The following PRIM2 variants were observed in gnomAD, a reference collection of about 807,000 sequenced individuals.
PRIM2 encodes the protein DNA primase large subunit.
PRIM2 carries 39 observed loss-of-function variants against 67.3 expected under a neutral mutation model. That is an observed-to-expected ratio of 0.58 (90% CI 0.45 to 0.76). The LOEUF is 0.76. PRIM2 is among the 30% of genes least tolerant of loss of function. The probability of loss-of-function intolerance (pLI) is 0.00; values close to 1 mark genes in which losing one functional copy is unlikely to be tolerated. For missense variants in PRIM2, 398 were observed against 598.7 expected (o/e 0.66, Z 3.50); for synonymous variants, 143 against 198.7 (o/e 0.72, Z 2.36).
intron 5 of PRIM2, among the ~76,000 whole-genome samples, chr6:57,329,803 C>G (rs1306722678): frequency 6.6e-6 from 1 of 152,186 alleles, no homozygotes; most frequent in Non-Finnish European, 1.5e-5. Context: ...CAGACTAATA[C>G]AACTGTAAAT....
At chr6:57,399,905 G>C (rs900295330) in intron 7 of PRIM2, among the ~76,000 whole-genome samples, 1 of 152,020 alleles carries the variant, frequency 6.6e-6, no homozygotes, top group African/African-American at 2.4e-5. Flanking sequence ...TTTTTTTCTT[G>C]TAAATTTGTT....
chr6:57,457,999 A>T (rs1235486234), intron 7 of PRIM2, among the ~76,000 whole-genome samples: 1 of 152,178 alleles, frequency 6.6e-6, no homozygotes, highest in Admixed American at 6.5e-5. Context: ...AGATTCATTC[A>T]GCCTTGGCAT....
At chr6:57,330,048 GC>G (rs1767999624) in intron 5 of PRIM2, among the ~76,000 whole-genome samples, 2 of 152,150 alleles carry the variant, frequency 1.3e-5, no homozygotes, top group Non-Finnish European at 1.5e-5. Flanking sequence ...CAAGAAGCTA[GC>G]TAGGATTTAC....
intron 5 of PRIM2, among the ~76,000 whole-genome samples, chr6:57,337,498 A>G (rs1768297822): frequency 6.6e-6 from 1 of 151,948 alleles, no homozygotes; most frequent in Non-Finnish European, 1.5e-5. Flanking sequence ...AACAGAAATT[A>G]TAACAAACTA....
At chr6:57,358,844 T>A (rs1769112499) in intron 5 of PRIM2, among the ~76,000 whole-genome samples, 1 of 152,214 alleles carries the variant, frequency 6.6e-6, no homozygotes, top group African/African-American at 2.4e-5. Flanking sequence ...GCTGGTACAG[T>A]GGATTAAAAA....
chr6:57,567,883 C>T (rs1775777276), intron 10 of PRIM2, among the ~76,000 whole-genome samples: 1 of 152,154 alleles, frequency 6.6e-6, no homozygotes, highest in African/African-American at 2.4e-5. Flanking sequence ...GCAGGGAAAT[C>T]TGCCTGTAAC....
At chr6:57,613,651 C>G (rs1776703589) in intron 12 of PRIM2, among the ~76,000 whole-genome samples, 2 of 152,160 alleles carry the variant, frequency 1.3e-5, no homozygotes, top group Admixed American at 1.3e-4. Flanking sequence ...GAAGACATGA[C>G]AATTCCAGCA....
the PRIM2 span, among the ~76,000 whole-genome samples, chr6:57,300,534 A>G: frequency 1.3e-5 from 2 of 152,200 alleles, no homozygotes; most frequent in Admixed American, 6.5e-5. Context: ...ACCCTTGAGT[A>G]TGGTTTACTG....
intron 5 of PRIM2, among the ~76,000 whole-genome samples, chr6:57,336,403 G>C (rs982063410): frequency 6.6e-6 from 1 of 152,098 alleles, no homozygotes; most frequent in African/African-American, 2.4e-5. Context: ...AAGACACATA[G>C]TTGTCAGATT....
chr6:57,549,071 T>C (rs1775349236), intron 10 of PRIM2, among the ~76,000 whole-genome samples: 2 of 152,196 alleles, frequency 1.3e-5, no homozygotes, highest in Non-Finnish European at 2.9e-5. Flanking sequence ...ATGTCGAGTT[T>C]ACTAATGAAA....
At chr6:57,635,287 A>G (rs1303607672) in intron 13 of PRIM2, among the ~76,000 whole-genome samples, 2 of 152,168 alleles carry the variant, frequency 1.3e-5, no homozygotes, top group Admixed American at 6.5e-5. Flanking sequence ...TTGCAGTGGC[A>G]GAAATATGAG....
At chr6:57,616,642 C>CT (rs1194075807) in intron 12 of PRIM2, among the ~76,000 whole-genome samples, 2 of 151,536 alleles carry the variant, frequency 1.3e-5, no homozygotes, top group Non-Finnish European at 2.9e-5. Context: ...GATCTGATTG[C>CT]TTTTTTTATT....
intron 7 of PRIM2, among the ~76,000 whole-genome samples, chr6:57,478,029 C>A (rs1773516658): frequency 6.6e-6 from 1 of 152,084 alleles, no homozygotes; most frequent in Admixed American, 6.6e-5. Context: ...TTCTGTAAGT[C>A]TGATAACGTG....
intron 7 of PRIM2, among the ~76,000 whole-genome samples, chr6:57,491,775 G>C (rs1773897253): frequency 6.6e-6 from 1 of 152,116 alleles, no homozygotes; most frequent in African/African-American, 2.4e-5. Context: ...TAAGCAAAAG[G>C]AAAGCTCTCA....
Position 57,344,377 on chromosome 6 carries a change from A to G in PRIM2, c.459+18332A>G, listed in dbSNP as rs1369992221. Among the ~76,000 whole-genome samples the G allele has an allele frequency of 7.2e-5, 11 of 152,090 alleles. No homozygotes were observed. The South Asian group carries it at 2.3e-3, about 32-fold the overall frequency. ...AAATATTAGATAATAGGTATATGTT[A>G]TATATGAAATGAGCTTTTCTATTGA... On this transcript the variant is annotated intron_variant, in intron 5 of 13. Coordinates refer to ENST00000615550, the MANE Select transcript of PRIM2 (RefSeq NM_000947.5).
the PRIM2 span, among the ~76,000 whole-genome samples, chr6:57,304,027 A>G: frequency 1.3e-5 from 2 of 152,170 alleles, no homozygotes; most frequent in Non-Finnish European, 2.9e-5. Flanking sequence ...TTTATAACCC[A>G]CAATCTTTGA....
chr6:57,299,602 A>T, the PRIM2 span, among the ~76,000 whole-genome samples: 1 of 152,176 alleles, frequency 6.6e-6, no homozygotes, highest in African/African-American at 2.4e-5. Context: ...TTGTTAAATG[A>T]ATCAATGGAC....
chr6:57,518,296 T>A (rs1166137773), intron 8 of PRIM2, among the ~76,000 whole-genome samples: 1 of 152,218 alleles, frequency 6.6e-6, no homozygotes, highest in Non-Finnish European at 1.5e-5. Flanking sequence ...TCTTCTCAGG[T>A]CTTACTGAGG....
the PRIM2 span, among the ~76,000 whole-genome samples, chr6:57,230,132 T>G: frequency 6.6e-6 from 1 of 152,216 alleles, no homozygotes; most frequent in Non-Finnish European, 1.5e-5. Flanking sequence ...ATCCATGGTG[T>G]AGGTTTTGGG....
Sources: gnomAD v4.1 joint callset for allele counts (sites outside exome capture counted in the v4.1 genomes callset) on GRCh38, gnomAD v4.1.1 for gene constraint, MANE v1.5 for transcripts, NCBI Gene and HGNC (gene_info 2026-07-23, HGNC 2026-07-21) for gene names.